The following SPIN1 variants were observed in gnomAD, a reference collection of about 807,000 sequenced individuals.
The protein encoded by SPIN1 is spindlin 1.
In SPIN1, 3 loss-of-function variants were observed where a neutral mutation model predicts 26.0. The ratio of observed to expected loss-of-function variants is 0.12; its 90% CI spans 0.05 to 0.30. The LOEUF is 0.30. Among genes scored for constraint, SPIN1 ranks in the 10% least tolerant of loss-of-function variants. The probability of loss-of-function intolerance (pLI) is 1.00; values close to 1 mark genes in which losing one functional copy is unlikely to be tolerated. For missense variants in SPIN1, 126 were observed against 333.4 expected (o/e 0.38, Z 4.84); for synonymous variants, 101 against 116.5 (o/e 0.87, Z 0.86).
At chr9:88,391,934 C>T (rs186754598) in intron 1 of SPIN1, 7 of 152,350 alleles carry the variant, frequency 4.6e-5, no homozygotes, top group Admixed American at 3.9e-4. Context: ...GGAAAGAAAT[C>T]TATGACCCAG....
intron 3 of SPIN1, among the ~76,000 whole-genome samples, chr9:88,458,424 C>T (rs1221544286): frequency 6.6e-6 from 1 of 152,090 alleles, no homozygotes; most frequent in Non-Finnish European, 1.5e-5. Flanking sequence ...AGATACAAGC[C>T]CCTTGTATAA....
intron 2 of SPIN1, among the ~76,000 whole-genome samples, chr9:88,435,510 C>G (rs1465124855): frequency 6.6e-6 from 1 of 152,200 alleles, no homozygotes; most frequent in Non-Finnish European, 1.5e-5. Flanking sequence ...TTTCTCTCTT[C>G]TCACAGTCTT....
intron 1 of SPIN1, among the ~76,000 whole-genome samples, chr9:88,410,001 C>T (rs1241439362): frequency 6.6e-6 from 1 of 152,110 alleles, no homozygotes; most frequent in South Asian, 2.1e-4. Flanking sequence ...GTTCTTTTCT[C>T]CTAATCTTAC....
intron 1 of SPIN1, among the ~76,000 whole-genome samples, chr9:88,393,862 A>G (rs1826992033): frequency 6.8e-6 from 1 of 147,088 alleles, no homozygotes; most frequent in Non-Finnish European, 1.5e-5. Context: ...TGGTTTTTTA[A>G]ATTTTGAGAC....
At chr9:88,411,479 A>G in intron 1 of SPIN1, 1 of 1,016,144 alleles carries the variant, frequency 9.8e-7, no homozygotes, top group Non-Finnish European at 1.5e-6. Flanking sequence ...CATGGAGAAG[A>G]GAGACTTTAA....
At chr9:88,430,140 G>C (rs954863150) in intron 2 of SPIN1, among the ~76,000 whole-genome samples, 1 of 152,144 alleles carries the variant, frequency 6.6e-6, no homozygotes, top group African/African-American at 2.4e-5. Flanking sequence ...ACCAAAAAAG[G>C]GTTTTGTCTC....
chr9:88,413,550 A>C (rs1337617719), intron 1 of SPIN1, among the ~76,000 whole-genome samples: 1 of 148,164 alleles, frequency 6.7e-6, no homozygotes, highest in African/African-American at 2.5e-5. Context: ...CACCTGGCTA[A>C]TTTTTTTTAG....
chr9:88,404,731 C>T (rs964710425), intron 1 of SPIN1, among the ~76,000 whole-genome samples: 2 of 152,022 alleles, frequency 1.3e-5, no homozygotes, highest in Non-Finnish European at 2.9e-5. Flanking sequence ...TCCTGGCCAA[C>T]ATGGTGAAAC....
chr9:88,467,855 AAAC>A (rs747878673), intron 4 of SPIN1, among the ~76,000 whole-genome samples: 12,387 of 147,666 alleles, frequency 0.084, 665 homozygotes, highest in Middle Eastern at 0.15. Context: ...TAAAAAAAAA[AAAC>A]AAAAAAAAAA....
intron 4 of SPIN1, among the ~76,000 whole-genome samples, chr9:88,465,607 T>C (rs1828652317): frequency 6.6e-6 from 1 of 152,250 alleles, no homozygotes; most frequent in Admixed American, 6.5e-5. Context: ...TGGGGAAATA[T>C]CTACTCACAT....
intron 3 of SPIN1, among the ~76,000 whole-genome samples, chr9:88,457,108 A>G (rs1335586490): frequency 3.3e-5 from 5 of 152,214 alleles, no homozygotes; most frequent in Non-Finnish European, 7.3e-5. Context: ...TGACATTTCA[A>G]AAGCGGGTGG....
intron 3 of SPIN1, among the ~76,000 whole-genome samples, chr9:88,455,524 CAT>C (rs1336645455): frequency 1.3e-5 from 2 of 152,130 alleles, no homozygotes; most frequent in African/African-American, 4.8e-5. Flanking sequence ...ATTTTGAAAA[CAT>C]AGGTAAACAG....
chr9:88,412,259 G>A (rs1331718745), intron 1 of SPIN1, among the ~76,000 whole-genome samples: 1 of 152,186 alleles, frequency 6.6e-6, no homozygotes, highest in Non-Finnish European at 1.5e-5. Flanking sequence ...GATATGACAA[G>A]ATATTCCAAG....
At chr9:88,431,180 C>T (rs1222252854) in intron 2 of SPIN1, among the ~76,000 whole-genome samples, 4 of 151,264 alleles carry the variant, frequency 2.6e-5, no homozygotes, top group African/African-American at 9.7e-5. Context: ...CCACCATGCC[C>T]GGCCCTTTTT....
At chr9:88,444,924 G>C (rs534681370) in intron 2 of SPIN1, among the ~76,000 whole-genome samples, 1 of 152,102 alleles carries the variant, frequency 6.6e-6, no homozygotes, top group African/African-American at 2.4e-5. Flanking sequence ...TCGATCTCCT[G>C]ACCTCGTGAT....
intron 1 of SPIN1, chr9:88,418,878 T>C (rs1321726408): frequency 6.6e-6 from 1 of 152,326 alleles, no homozygotes; most frequent in East Asian, 1.9e-4. Flanking sequence ...GGAATAGTTA[T>C]AGTGCATATC....
At chr9:88,463,684 A>G (rs529095603) in intron 4 of SPIN1, among the ~76,000 whole-genome samples, 3 of 152,346 alleles carry the variant, frequency 2.0e-5, no homozygotes, top group Admixed American at 2.0e-4. Flanking sequence ...CTCTTTAGAT[A>G]TCAAATGCTA....
chr9:88,430,805 C>T (rs73500248), intron 2 of SPIN1, among the ~76,000 whole-genome samples: 1 of 151,420 alleles, frequency 6.6e-6, no homozygotes, highest in Admixed American at 6.6e-5. Context: ...TTTTTTTTCA[C>T]GTTTTCCCCT....
At chr9:88,475,045 C>A in intron 5 of SPIN1, 33 bp from the exon 6 acceptor site, 1 of 1,262,216 alleles carries the variant, frequency 7.9e-7, no homozygotes, top group Middle Eastern at 2.6e-4. Flanking sequence ...TTCTCTCTCT[C>A]TCTTTTTTTT....
Sources: allele counts gnomAD v4.1 joint callset (sites outside exome capture counted in the v4.1 genomes callset), GRCh38; gene constraint gnomAD v4.1.1; transcripts MANE v1.5; gene names NCBI Gene and HGNC (gene_info 2026-07-23, HGNC 2026-07-21).